EXOC6B: variants seen among roughly 807,000 people sequenced by gnomAD.
The protein encoded by EXOC6B is exocyst complex component 6B, also known as SEC15 homolog B.
In EXOC6B, 54 loss-of-function variants were observed where a neutral mutation model predicts 113.5. The ratio of observed to expected loss-of-function variants is 0.48; its 90% CI spans 0.38 to 0.60. The LOEUF (loss-of-function observed/expected upper bound fraction) is 0.60, where lower values mean the gene tolerates loss of function less well. Ranked by LOEUF, EXOC6B falls within the 20% of genes least tolerant of loss-of-function variation. The probability of loss-of-function intolerance (pLI) is 0.00; values close to 1 mark genes in which losing one functional copy is unlikely to be tolerated. For missense variants in EXOC6B, 797 were observed against 977.5 expected (o/e 0.82, Z 2.46); for synonymous variants, 357 against 339.0 (o/e 1.05, Z -0.58).
Position 72,593,978 on chromosome 2 carries a change from ATTG to A in EXOC6B, c.670-18313_670-18311del, listed in dbSNP as rs529911660. Among the ~76,000 whole-genome samples, 257 of 152,146 alleles carry A rather than the reference ATTG, an allele frequency of 1.7e-3. 2 individuals carry two copies. The highest frequency in any genetic ancestry group is 6.1e-3 in the African/African-American group (255 of 41,504). On this transcript the variant is annotated intron_variant, in intron 6 of 21. Transcript: ENST00000272427. Reference sequence around the variant, plus strand: ...TCTATCAAACATTCTGGTTGTTGTTATTGTTGTTGTTGCTGTTGTTAAGACAGG... The same window carrying A: ...TCTATCAAACATTCTGGTTGTTGTTATTGTTGTTGCTGTTGTTAAGACAGG...
chr2:72,340,959 C>T (rs1280959406), intron 19 of EXOC6B, among the ~76,000 whole-genome samples: 2 of 151,798 alleles, frequency 1.3e-5, no homozygotes, highest in Non-Finnish European at 2.9e-5. Context: ...ACGGCCAGAA[C>T]ATAAGGAAGT....
intron 6 of EXOC6B, among the ~76,000 whole-genome samples, chr2:72,716,946 TAA>T (rs1679659964): frequency 6.6e-6 from 1 of 152,156 alleles, no homozygotes; most frequent in Non-Finnish European, 1.5e-5. Context: ...CCAATCACAA[TAA>T]AGACTTATCT....
At chr2:72,740,973 G>A (rs978181972) in intron 2 of EXOC6B, among the ~76,000 whole-genome samples, 5 of 152,042 alleles carry the variant, frequency 3.3e-5, no homozygotes, top group African/African-American at 9.7e-5. Flanking sequence ...GCGTGGTGGT[G>A]GGCGCCTGTA....
At chr2:72,355,794 T>G (rs1689941515) in intron 19 of EXOC6B, among the ~76,000 whole-genome samples, 1 of 152,186 alleles carries the variant, frequency 6.6e-6, no homozygotes, top group Non-Finnish European at 1.5e-5. Flanking sequence ...TGTCCTTCAG[T>G]AGTCCACCCA....
chr2:72,675,958 G>C (rs1204261887), intron 6 of EXOC6B, among the ~76,000 whole-genome samples: 1 of 151,926 alleles, frequency 6.6e-6, no homozygotes, highest in African/African-American at 2.4e-5. Flanking sequence ...AGCTCCCTCT[G>C]TAGTAGAAAT....
rs557947028 is a variant in EXOC6B, at chr2:72,626,763, G to A, written c.670-51095C>T. Among the ~76,000 whole-genome samples, 4 of 152,220 alleles carry A rather than the reference G, an allele frequency of 2.6e-5. No individual in the cohort carries two copies. In the South Asian group the frequency reaches 6.2e-4, roughly 24 times the overall value. ...ACTGCCAAGTATGAGAAGGAAGAGC[G>A]TTTTCCCTCCCCACTATGCCAGAAT... On this transcript the variant is annotated intron_variant, in intron 6 of 21. Coordinates refer to ENST00000272427, the MANE Select transcript of EXOC6B (RefSeq NM_015189.3).
At chr2:72,552,249 T>A (rs923434227) in intron 8 of EXOC6B, among the ~76,000 whole-genome samples, 3 of 152,192 alleles carry the variant, frequency 2.0e-5, no homozygotes, top group Non-Finnish European at 4.4e-5. Flanking sequence ...ACCTTAAAAC[T>A]TGATGTGAAT....
At chr2:72,313,536 G>A (rs1163399589) in intron 20 of EXOC6B, among the ~76,000 whole-genome samples, 2 of 152,100 alleles carry the variant, frequency 1.3e-5, no homozygotes, top group Non-Finnish European at 2.9e-5. Context: ...TTAGAAGGGT[G>A]TGTATATGTA....
chr2:72,821,358 T>C (rs1361184857), intron 1 of EXOC6B, among the ~76,000 whole-genome samples: 1 of 152,136 alleles, frequency 6.6e-6, no homozygotes, highest in African/African-American at 2.4e-5. Context: ...GGAACCCTGA[T>C]ACATTGCTAC....
rs1440239129 is a variant in EXOC6B at position 72,672,570 on chromosome 2, AG to A, written c.669+45532del. On this transcript the variant is annotated intron_variant, in intron 6 of 21. Coordinates refer to ENST00000272427, the MANE Select transcript of EXOC6B (RefSeq NM_015189.3). ...TCAAAAAAAAAAAAAAAAAAGAAAA[AG>A]AAAAAGAAAAGAAAAGAAAACGTGG... 4.6e-5 allele frequency among the ~76,000 whole-genome samples: 7 copies of A among 151,830 alleles called. No homozygotes were observed. In the East Asian group the frequency reaches 1.4e-3, roughly 29 times the overall value.
rs140185942 is a variant in EXOC6B, at chr2:72,682,814, T to C, written c.669+35289A>G. ...GAAGCTATTCCATGGTATTATCTTA[T>C]ATACTAGACCTCCAAATCCTATCGT... On this transcript the variant is annotated intron_variant, in intron 6 of 21. Transcript: ENST00000272427. Among the ~76,000 whole-genome samples, 58 of 152,304 alleles carry C rather than the reference T, an allele frequency of 3.8e-4. No homozygotes were observed. The Middle Eastern group carries it at 0.024, about 63-fold the overall frequency.
chr2:72,391,944 A>G (rs1031025426), intron 18 of EXOC6B, among the ~76,000 whole-genome samples: 3 of 152,208 alleles, frequency 2.0e-5, no homozygotes, highest in African/African-American at 7.2e-5. Context: ...CTAATCTTGA[A>G]TTCTGCTTTG....
intron 5 of EXOC6B, among the ~76,000 whole-genome samples, chr2:72,723,085 T>C (rs1025554474): frequency 2.6e-5 from 4 of 152,178 alleles, no homozygotes; most frequent in Non-Finnish European, 4.4e-5. Context: ...TAAAGAATGA[T>C]AGCCAACTAA....
chr2:72,300,774 G>T (rs1156736884), intron 20 of EXOC6B, among the ~76,000 whole-genome samples: 3 of 152,116 alleles, frequency 2.0e-5, no homozygotes, highest in Admixed American at 6.6e-5. Flanking sequence ...TCCCTTGGCT[G>T]GGGGAGGGAA....
intron 19 of EXOC6B, among the ~76,000 whole-genome samples, chr2:72,363,759 T>C (rs1690455405): frequency 6.6e-6 from 1 of 152,128 alleles, no homozygotes; most frequent in Admixed American, 6.6e-5. Flanking sequence ...TTATTATTCC[T>C]ACTTCATAAA....
chr2:72,699,892 C>A (rs1280505741), intron 6 of EXOC6B, among the ~76,000 whole-genome samples: 1 of 152,110 alleles, frequency 6.6e-6, no homozygotes, highest in Non-Finnish European at 1.5e-5. Flanking sequence ...TTTCTATATA[C>A]AGTCATCCCT....
At chr2:72,536,387 T>C (rs754265549) in intron 8 of EXOC6B, among the ~76,000 whole-genome samples, 15 of 152,232 alleles carry the variant, frequency 9.9e-5, no homozygotes, top group Non-Finnish European at 1.8e-4. Context: ...GAAATCTATA[T>C]GTATATATTA....
At chr2:72,351,468 A>T (rs1413796541) in intron 19 of EXOC6B, among the ~76,000 whole-genome samples, 2 of 152,188 alleles carry the variant, frequency 1.3e-5, no homozygotes, top group African/African-American at 4.8e-5. Flanking sequence ...TTTATCTTCC[A>T]TTCATTCCTC....
chr2:72,635,691 C>G (rs1340789848), intron 6 of EXOC6B, among the ~76,000 whole-genome samples: 4 of 152,144 alleles, frequency 2.6e-5, no homozygotes, highest in Admixed American at 2.6e-4. Flanking sequence ...GGAAGGAATA[C>G]CTCTCCAACT....
Sources: gnomAD v4.1 joint callset for allele counts (sites outside exome capture counted in the v4.1 genomes callset) on GRCh38, gnomAD v4.1.1 for gene constraint, MANE v1.5 for transcripts, NCBI Gene and HGNC (gene_info 2026-07-23, HGNC 2026-07-21) for gene names.